Variants in CASQ2 observed in about 807,000 individuals in gnomAD.
CASQ2 encodes the protein calsequestrin-2.
In CASQ2, 49 loss-of-function variants were observed where a neutral mutation model predicts 46.5. That is an observed-to-expected ratio of 1.05 (90% CI 0.84 to 1.34). CASQ2 has a LOEUF of 1.34. Among genes scored for constraint, CASQ2 ranks in the 40% most tolerant of loss-of-function variants. The probability of loss-of-function intolerance (pLI) is 0.00; values close to 1 mark genes in which losing one functional copy is unlikely to be tolerated. For synonymous variants in CASQ2, 174 were observed against 168.5 expected (o/e 1.03, Z -0.25); for missense variants, 486 against 481.3 (o/e 1.01, Z -0.09).
chr1:115,758,925 C>A (rs749106202), intron 1 of CASQ2, among the ~76,000 whole-genome samples: 18 of 152,110 alleles, frequency 1.2e-4, no homozygotes, highest in Non-Finnish European at 2.1e-4. Context: ...TATAGCAACA[C>A]AAATGTACTG....
chr1:115,750,484 A>G (rs990082645), intron 1 of CASQ2, among the ~76,000 whole-genome samples: 22 of 152,182 alleles, frequency 1.4e-4, no homozygotes, highest in Admixed American at 9.2e-4. Flanking sequence ...GTGTTTTTTA[A>G]AAGTTATTTT....
intron 4 of CASQ2, among the ~76,000 whole-genome samples, chr1:115,737,390 G>T (rs1423034983): frequency 6.6e-6 from 1 of 152,058 alleles, no homozygotes; most frequent in Non-Finnish European, 1.5e-5. Flanking sequence ...AATATTTTGG[G>T]GTTCTCAGAA....
chr1:115,702,760 G>A (rs3934652), intron 10 of CASQ2, among the ~76,000 whole-genome samples, 161 bp downstream of exon 10: 5 of 152,160 alleles, frequency 3.3e-5, no homozygotes, highest in Admixed American at 2.6e-4. Context: ...GGACTGGCTC[G>A]GAGACCAGGC....
In CASQ2 at chr1:115,709,702, C is replaced by T. The variant is rs567678921; in HGVS notation, c.839-4410G>A. 2.2e-3 allele frequency among the ~76,000 whole-genome samples: 334 copies of T among 152,278 alleles called. 1 individual carries two copies. Among genetic ancestry groups the T allele is most frequent in the Non-Finnish European group, 3.1e-3 (208 of 68,008 alleles). ...TGTTGAATATTTCCAGGACTGAGAC[C>T]GTTTGACCTTGCTAAAAGGCTGACT... On this transcript the variant is annotated intron_variant, in intron 8 of 10. Transcript: ENST00000261448.
chr1:115,736,812 C>G (rs1170036764), intron 4 of CASQ2, among the ~76,000 whole-genome samples: 4 of 152,112 alleles, frequency 2.6e-5, no homozygotes, highest in African/African-American at 7.2e-5. Flanking sequence ...CTTTCATCAT[C>G]ATTAACATGC....
chr1:115,736,360 G>T (rs1359742865), intron 4 of CASQ2, among the ~76,000 whole-genome samples: 5 of 151,808 alleles, frequency 3.3e-5, no homozygotes, highest in Non-Finnish European at 7.4e-5. Context: ...TCCTGGGTTG[G>T]GCACAGTGGC....
intron 7 of CASQ2, among the ~76,000 whole-genome samples, chr1:115,723,305 T>TATTTATCTATCTATCTATC (rs1647455098): frequency 6.7e-6 from 1 of 148,748 alleles, no homozygotes. Flanking sequence ...ATCTATCTAT[T>TATTTATCTATCTATCTATC]TATCTATCTA....
At chr1:115,709,628 A>G (rs191529017) in intron 8 of CASQ2, among the ~76,000 whole-genome samples, 1 of 152,208 alleles carries the variant, frequency 6.6e-6, no homozygotes, top group Non-Finnish European at 1.5e-5. Flanking sequence ...CAACCCAGAC[A>G]TTCCAAACTC....
chr1:115,721,169 A>T (rs543806423), intron 7 of CASQ2, among the ~76,000 whole-genome samples: 1 of 152,144 alleles, frequency 6.6e-6, no homozygotes, highest in African/African-American at 2.4e-5. Flanking sequence ...TGTTGTTGCA[A>T]TATAGGGAGG....
At chr1:115,725,395 A>G (rs1570815301) in intron 7 of CASQ2, 113 bp downstream of exon 7, 5 of 1,180,234 alleles carry the variant, frequency 4.2e-6, no homozygotes, top group East Asian at 2.3e-5. Flanking sequence ...TCATCTAGAC[A>G]TCCACCTCAG....
intron 1 of CASQ2, among the ~76,000 whole-genome samples, chr1:115,751,323 G>C (rs1156430445): frequency 6.6e-6 from 1 of 152,128 alleles, no homozygotes; most frequent in Non-Finnish European, 1.5e-5. Flanking sequence ...TGTAAGACAC[G>C]TGTCAGCTCC....
At chr1:115,761,901 G>A (rs1349468812) in intron 1 of CASQ2, among the ~76,000 whole-genome samples, 1 of 152,174 alleles carries the variant, frequency 6.6e-6, no homozygotes, top group African/African-American at 2.4e-5. Flanking sequence ...AGGAAAATTG[G>A]TTTGCATTTT....
chr1:115,743,334 C>T (rs1306437214), intron 2 of CASQ2, among the ~76,000 whole-genome samples: 3 of 152,012 alleles, frequency 2.0e-5, no homozygotes, highest in African/African-American at 7.3e-5. Flanking sequence ...ATCTTGATCT[C>T]CCTGGCTCAA....
chr1:115,703,089 T>C (rs1654260140), intron 9 of CASQ2, 94 bp from the exon 10 acceptor site: 1 of 961,220 alleles, frequency 1.0e-6, no homozygotes, highest in Non-Finnish European at 1.6e-6. Context: ...TAGGTCACCA[T>C]TGGTTAAAGG....
intron 7 of CASQ2, among the ~76,000 whole-genome samples, chr1:115,723,274 C>CTGTCATCTATCT (rs57499430): frequency 6.6e-6 from 1 of 150,856 alleles, no homozygotes; most frequent in Admixed American, 6.6e-5. Flanking sequence ...ATCTATCTAT[C>CTGTCATCTATCT]ATCTATCTAT....
intron 10 of CASQ2, among the ~76,000 whole-genome samples, chr1:115,701,717 G>T (rs1165213812): frequency 6.6e-6 from 1 of 152,182 alleles, no homozygotes; most frequent in Non-Finnish European, 1.5e-5. Flanking sequence ...GAGACTAGGG[G>T]TTGGGTCAGG....
chr1:115,703,005 C>T lies in CASQ2; in HGVS notation c.940-10G>A, dbSNP rs1432471123. 1 of 1,608,814 alleles carries T rather than the reference C, an allele frequency of 6.2e-7. No individual in the cohort carries two copies. Among genetic ancestry groups the T allele is most frequent in the East Asian group, 2.2e-5 (1 of 44,816 alleles). ...CCCAGTAGGCAACGAGCTGCAGCAA[C>T]AAAAAAATAAGATTAGACAGCAGGC... On this transcript the variant is annotated splice_polypyrimidine_tract_variant and intron_variant, in intron 9 of 10. Coordinates refer to ENST00000261448, the MANE Select transcript of CASQ2 (RefSeq NM_001232.4).
At chr1:115,758,731 C>T (rs780502224) in intron 1 of CASQ2, among the ~76,000 whole-genome samples, 4 of 152,178 alleles carry the variant, frequency 2.6e-5, no homozygotes, top group African/African-American at 7.2e-5. Flanking sequence ...CTCTCTCTCT[C>T]GCTTCCTCTG....
At chr1:115,741,104 C>T (rs758872516) in intron 2 of CASQ2, among the ~76,000 whole-genome samples, 1 of 152,200 alleles carries the variant, frequency 6.6e-6, no homozygotes, top group Non-Finnish European at 1.5e-5. Context: ...TCCAAAAATA[C>T]AGCTGATCCC....
Sources: gnomAD v4.1 joint callset for allele counts (sites outside exome capture counted in the v4.1 genomes callset) on GRCh38, gnomAD v4.1.1 for gene constraint, MANE v1.5 for transcripts, NCBI Gene and HGNC (gene_info 2026-07-23, HGNC 2026-07-21) for gene names.